Variants in COLEC12 observed in about 807,000 individuals in gnomAD.
COLEC12 encodes the protein collectin subfamily member 12, also known as collectin-12.
In COLEC12, 33 loss-of-function variants were observed where a neutral mutation model predicts 71.1. The ratio of observed to expected loss-of-function variants is 0.46; its 90% CI spans 0.35 to 0.62. The LOEUF is 0.62. Among genes scored for constraint, COLEC12 ranks in the 20% least tolerant of loss-of-function variants. COLEC12 has a pLI of 0.00. For synonymous variants in COLEC12, 350 were observed against 353.0 expected (o/e 0.99, Z 0.10); for missense variants, 765 against 916.1 (o/e 0.84, Z 2.13).
intron 2 of COLEC12, among the ~76,000 whole-genome samples, chr18:396,922 G>T (rs1009920943): frequency 2.6e-5 from 4 of 152,156 alleles, no homozygotes; most frequent in Non-Finnish European, 4.4e-5. Flanking sequence ...TGCACTGAGG[G>T]CAGGTTGGAG....
At chr18:419,255 T>C (rs757715362) in intron 2 of COLEC12, among the ~76,000 whole-genome samples, 23 of 152,134 alleles carry the variant, frequency 1.5e-4, no homozygotes, top group Admixed American at 2.6e-4. Context: ...TGTTGCACTG[T>C]TGTGCATTGG....
At chr18:388,396 A>G (rs1464892724) in intron 2 of COLEC12, among the ~76,000 whole-genome samples, 3 of 152,182 alleles carry the variant, frequency 2.0e-5, no homozygotes, top group Non-Finnish European at 4.4e-5. Context: ...ATCATCTGCA[A>G]TGGCTCCTTT....
At chr18:335,555 G>T (rs62089607) in intron 5 of COLEC12, among the ~76,000 whole-genome samples, 1 of 152,146 alleles carries the variant, frequency 6.6e-6, no homozygotes, top group Non-Finnish European at 1.5e-5. Context: ...TAAAGAAGAG[G>T]GGATTAGGTC....
chr18:340,074 C>CAAAAAAAAAAAAAAA (rs60991743), intron 5 of COLEC12, among the ~76,000 whole-genome samples: 128 of 94,118 alleles, frequency 1.4e-3, no homozygotes, highest in Non-Finnish European at 1.8e-3. Flanking sequence ...TGCCTGAAAG[C>CAAAAAAAAAAAAAAA]AAAAAAAAAA....
chr18:455,302 G>C (rs2143721970), intron 2 of COLEC12, among the ~76,000 whole-genome samples: 1 of 138,020 alleles, frequency 7.2e-6, no homozygotes, highest in South Asian at 2.3e-4. Flanking sequence ...TTTTGAGACA[G>C]AGTTTCACTC....
At chr18:418,292 T>C (rs868073597) in intron 2 of COLEC12, among the ~76,000 whole-genome samples, 5 of 152,368 alleles carry the variant, frequency 3.3e-5, no homozygotes, top group Middle Eastern at 3.4e-3. Flanking sequence ...GGATCTTTTC[T>C]TCATTCTAAG....
At chr18:393,317 A>C (rs1915501677) in intron 2 of COLEC12, among the ~76,000 whole-genome samples, 1 of 152,234 alleles carries the variant, frequency 6.6e-6, no homozygotes, top group Non-Finnish European at 1.5e-5. Context: ...ATTCCAGAAG[A>C]AGCCTGTTTC....
chr18:450,406 T>C (rs1346978783), intron 2 of COLEC12, among the ~76,000 whole-genome samples: 1 of 152,028 alleles, frequency 6.6e-6, no homozygotes, highest in Non-Finnish European at 1.5e-5. Flanking sequence ...GTATTGTGAG[T>C]GAGTTCTTCT....
intron 2 of COLEC12, among the ~76,000 whole-genome samples, chr18:466,238 T>C (rs1045082170): frequency 6.6e-6 from 1 of 151,970 alleles, no homozygotes; most frequent in African/African-American, 2.4e-5. Flanking sequence ...AGACCTTGTC[T>C]CAAAAAACAA....
intron 2 of COLEC12, among the ~76,000 whole-genome samples, chr18:380,313 T>C (rs1915202543): frequency 1.3e-5 from 2 of 152,104 alleles, no homozygotes. Flanking sequence ...ACTGGTACAC[T>C]TTCCCCTACC....
rs2143389233 is a variant in COLEC12 at position 318,101 on chromosome 18, CGAGTAGCTGGGACTACAG to C, written c.*1926_*1943del. On this transcript the variant is annotated 3_prime_UTR_variant, in exon 10 of 10. Coordinates refer to ENST00000400256, the MANE Select transcript of COLEC12 (RefSeq NM_130386.3). ...ACGCCATTCTCCTGCCTCAGCCTCC[CGAGTAGCTGGGACTACAG>C]GCGCCCGCCACCGCGCCCGGCTAAT... 1.7e-3 allele frequency: 4 copies of C among 2,424 alleles called. No homozygotes were observed. In the Admixed American group the frequency reaches 0.095, roughly 58 times the overall value. The allele number at this position is 2,424 out of a possible 1,614,324, so 0.2% of individuals were successfully genotyped here.
In COLEC12 at chr18:408,707, T is replaced by C. The variant is rs960545844; in HGVS notation, c.59-51185A>G. On this transcript the variant is annotated intron_variant, in intron 2 of 9. Coordinates refer to ENST00000400256, the MANE Select transcript of COLEC12 (RefSeq NM_130386.3). The surrounding 1 kb of genome is among the most constrained non-coding windows in gnomAD (Gnocchi z 4.3). ...TTCAGACAGAGGAAGTAGGTCTAAATTCATTAATGTGTATAGATAGAGCTC... is the reference window on the plus strand; with the variant it reads ...TTCAGACAGAGGAAGTAGGTCTAAACTCATTAATGTGTATAGATAGAGCTC... 1.3e-5 allele frequency among the ~76,000 whole-genome samples: 2 copies of C among 152,190 alleles called. No homozygotes were observed. Among genetic ancestry groups the C allele is most frequent in the Non-Finnish European group, 2.9e-5 (2 of 68,030 alleles).
intron 2 of COLEC12, among the ~76,000 whole-genome samples, chr18:461,762 C>T (rs1916987798): frequency 6.6e-6 from 1 of 152,094 alleles, no homozygotes; most frequent in Non-Finnish European, 1.5e-5. Flanking sequence ...ATCTCAATTT[C>T]AAGTAGCCAC....
intron 1 of COLEC12, among the ~76,000 whole-genome samples, chr18:493,140 G>A (rs1917649314): frequency 2.0e-5 from 3 of 152,230 alleles, no homozygotes; most frequent in Non-Finnish European, 1.5e-5. Flanking sequence ...CCAAGAGACA[G>A]AGGTTACAGT....
intron 2 of COLEC12, among the ~76,000 whole-genome samples, chr18:410,054 A>T (rs59285604): frequency 0.052 from 7,910 of 152,298 alleles, 357 homozygotes; most frequent in African/African-American, 0.12. Context: ...ATCGGGGTTA[A>T]TAATACCCTC....
At chr18:443,708 G>A (rs945244108) in intron 2 of COLEC12, among the ~76,000 whole-genome samples, 19 of 152,182 alleles carry the variant, frequency 1.2e-4, no homozygotes, top group African/African-American at 4.6e-4. Context: ...ATAAAGGAAC[G>A]TGCTGATATA....
chr18:454,132 C>A (rs1237006663), intron 2 of COLEC12, among the ~76,000 whole-genome samples: 1 of 150,018 alleles, frequency 6.7e-6, no homozygotes, highest in East Asian at 2.0e-4. Flanking sequence ...TCCCCATGGG[C>A]CCCCTGGTCT....
chr18:366,127 C>T (rs1914851837), intron 2 of COLEC12, among the ~76,000 whole-genome samples: 1 of 152,206 alleles, frequency 6.6e-6, no homozygotes. Flanking sequence ...TCTATCTCTG[C>T]CTTCTGGAAC....
chr18:361,474 C>T (rs1902276542), intron 2 of COLEC12, among the ~76,000 whole-genome samples: 1 of 152,124 alleles, frequency 6.6e-6, no homozygotes, highest in African/African-American at 2.4e-5. Context: ...GTCCTCATGA[C>T]ATTTGCTAAA....
Sources: allele counts gnomAD v4.1 joint callset (sites outside exome capture counted in the v4.1 genomes callset), GRCh38; gene constraint gnomAD v4.1.1; non-coding constraint Gnocchi (gnomAD v3.1); transcripts MANE v1.5; gene names NCBI Gene and HGNC (gene_info 2026-07-23, HGNC 2026-07-21).